TSPEAR: variants seen among roughly 807,000 people sequenced by gnomAD.
The protein encoded by TSPEAR is thrombospondin-type laminin G domain and EAR repeat-containing protein.
A neutral mutation model predicts 71.6 loss-of-function variants in TSPEAR; 69 were observed. That is an observed-to-expected ratio of 0.96 (90% CI 0.79 to 1.18). The LOEUF (loss-of-function observed/expected upper bound fraction) is 1.18. TSPEAR is among the 50% of genes most tolerant of loss of function. The pLI, the probability that TSPEAR is intolerant of heterozygous loss-of-function variation, is 0.00. For missense variants in TSPEAR, 971 were observed against 894.9 expected (o/e 1.09, Z -1.09); for synonymous variants, 402 against 387.2 (o/e 1.04, Z -0.45).
intron 1 of TSPEAR, among the ~76,000 whole-genome samples, chr21:44,587,898 C>A (rs1569203220): frequency 6.6e-6 from 1 of 152,194 alleles, no homozygotes; most frequent in South Asian, 2.1e-4. Flanking sequence ...GGACTTAAAT[C>A]TAAGACCTGA....
At position 44,531,042 on chromosome 21, in the gene TSPEAR, C is replaced by T; in HGVS notation, c.633+1G>A. On this transcript the variant is annotated splice_donor_variant, in intron 4 of 11. Coordinates refer to ENST00000323084, the MANE Select transcript of TSPEAR (RefSeq NM_144991.3). LOFTEE classifies it high-confidence loss of function. ...TGGGAAGGCAGCCCCTCCATACTCG[C>T]CATGAACAGGCCTTTGGCTCTCCTC... 1.9e-6 allele frequency: 3 copies of T among 1,613,240 alleles called. No homozygotes were observed. The highest frequency in any genetic ancestry group is 2.5e-6 in the Non-Finnish European group (3 of 1,179,710).
chr21:44,539,921 G>A, intron 2 of TSPEAR: 1 of 1,613,986 alleles, frequency 6.2e-7, no homozygotes, highest in Admixed American at 1.7e-5. Context: ...GCAGCACGAG[G>A]GCGTGCAGGA....
rs1555949491 is a variant in TSPEAR at position 44,689,712 on chromosome 21, A to ATATATAT, written c.82+21720_82+21721insATATATA. ...TCCCTTAGAGGGACAGAATAGAATG[A>ATATATAT]ATATATATATATATATATATATATA... On this transcript the variant is annotated intron_variant, in intron 1 of 11. Transcript: ENST00000323084. Among the ~76,000 whole-genome samples, 357 of 62,038 alleles carry ATATATAT rather than the reference A, an allele frequency of 5.8e-3. 54 individuals carry two copies. The highest frequency in any genetic ancestry group is 0.015 in the East Asian group (32 of 2,132). The allele number at this position is 62,038 out of a possible 152,430, so 40.7% of individuals were successfully genotyped here.
At chr21:44,523,864 T>C (rs1555914610) in intron 8 of TSPEAR, among the ~76,000 whole-genome samples, 1 of 151,322 alleles carries the variant, frequency 6.6e-6, no homozygotes, top group African/African-American at 2.4e-5. Flanking sequence ...CAGTGGCTAG[T>C]CAGGTAGTTG....
intron 1 of TSPEAR, among the ~76,000 whole-genome samples, chr21:44,644,019 C>T (rs1555939016): frequency 6.6e-6 from 1 of 152,218 alleles, no homozygotes; most frequent in Non-Finnish European, 1.5e-5. Context: ...TGCAGAAGAC[C>T]TGGCCGTGGG....
chr21:44,679,071 T>C (rs587659881), intron 1 of TSPEAR, among the ~76,000 whole-genome samples: 21 of 152,300 alleles, frequency 1.4e-4, no homozygotes, highest in African/African-American at 5.1e-4. Flanking sequence ...ATATACCCTT[T>C]CCTTATGGTA....
At position 44,666,164 on chromosome 21, in the gene TSPEAR, AAAAG is replaced by A. The variant is rs1184230312; in HGVS notation, c.82+45265_82+45268del. The A allele has an allele frequency of 1.8e-5, 8 of 445,226 alleles. No individual in the cohort carries two copies. In the Admixed American group the frequency reaches 2.0e-4, roughly 11 times the overall value. 27.6% of individuals were successfully genotyped at this position (445,226 alleles called of 1,614,324 possible). Reference sequence around the variant, plus strand: ...TAGATAGCAGGGAGTATGGAAATAAAAAAGAAAGACCAGAAATGCAGAGCTGCAT... The same window carrying A: ...TAGATAGCAGGGAGTATGGAAATAAAAAAGACCAGAAATGCAGAGCTGCAT... On this transcript the variant is annotated intron_variant, in intron 1 of 11. Transcript: ENST00000323084.
Position 44,499,784 on chromosome 21 carries a change from C to T in TSPEAR, c.2009G>A (p.Ter670=). The T allele has an allele frequency of 6.4e-7, 1 of 1,563,874 alleles. No individual in the cohort carries two copies. Among genetic ancestry groups the T allele is most frequent in the Non-Finnish European group, 8.7e-7 (1 of 1,155,790 alleles). ...LSRVLRLRTR[*] is the part of the protein sequence containing the mutation. Reference sequence around the variant, plus strand: ...AGTTGCTGCCGGGCAGCCGCGGCCTCAGCGTGTCCTCAGCCGCAGGACCCT... The same window carrying T: ...AGTTGCTGCCGGGCAGCCGCGGCCTTAGCGTGTCCTCAGCCGCAGGACCCT... The change falls in exon 12 of 12, where the codon TGA becomes TAA. Residue 670 remains the stop codon, a stop_retained_variant. Coordinates refer to ENST00000323084, the MANE Select transcript of TSPEAR (RefSeq NM_144991.3).
intron 1 of TSPEAR, chr21:44,690,417 A>G (rs1987078004): frequency 3.0e-6 from 1 of 329,406 alleles, no homozygotes; most frequent in Non-Finnish European, 4.3e-6. Flanking sequence ...AACATCAAAG[A>G]TAACAAGTGG....
chr21:44,638,251 G>A (rs979550703), intron 1 of TSPEAR: 8 of 1,531,272 alleles, frequency 5.2e-6, no homozygotes, highest in Non-Finnish European at 7.0e-6. Context: ...TGCCCTCTCT[G>A]GCTTTGACAC....
chr21:44,706,677 G>A (rs17285795), intron 1 of TSPEAR, among the ~76,000 whole-genome samples: 9,347 of 152,302 alleles, frequency 0.061, 318 homozygotes, highest in Middle Eastern at 0.14. Flanking sequence ...CTCAGGGGTC[G>A]CCCCGCCACC....
At chr21:44,510,333 C>G (rs782314369) in intron 9 of TSPEAR, among the ~76,000 whole-genome samples, 21 of 152,242 alleles carry the variant, frequency 1.4e-4, no homozygotes, top group Non-Finnish European at 2.5e-4. Flanking sequence ...CTCTTCCTGA[C>G]TCACCCCCGT....
At chr21:44,517,839 A>G (rs782081977) in intron 9 of TSPEAR, 1 of 471,242 alleles carries the variant, frequency 2.1e-6, no homozygotes, top group South Asian at 1.5e-5. Context: ...TTTGAAGGTA[A>G]CTTTCCTTTG....
At position 44,541,360 on chromosome 21, in the gene TSPEAR, A is replaced by G. The variant is rs1269278297; in HGVS notation, c.304-7437T>C. On this transcript the variant is annotated intron_variant, in intron 2 of 11. Transcript: ENST00000323084. ...TTATGCTGTATAAAATGCTCTGTCA[A>G]GTTCTCCTTTCGTGTGTGGGGAACT... 6.6e-5 allele frequency among the ~76,000 whole-genome samples: 10 copies of G among 152,344 alleles called. No homozygotes were observed. In the East Asian group the frequency reaches 7.7e-4, roughly 12 times the overall value.
intron 11 of TSPEAR, among the ~76,000 whole-genome samples, chr21:44,500,639 C>T (rs1311454111): frequency 2.6e-5 from 4 of 152,226 alleles, no homozygotes; most frequent in African/African-American, 7.2e-5. Context: ...CCCTGGGATC[C>T]CCCAACCCAC....
Position 44,546,428 on chromosome 21 carries a change from A to G in TSPEAR, c.304-12505T>C, listed in dbSNP as rs932890400. Reference sequence around the variant, plus strand: ...CTGCTCACTGCAAGCTCCGCCTCCCAGGTTCCCACCATTCTCCTGCCTCAG... The same window carrying G: ...CTGCTCACTGCAAGCTCCGCCTCCCGGGTTCCCACCATTCTCCTGCCTCAG... On this transcript the variant is annotated intron_variant, in intron 2 of 11. Coordinates refer to ENST00000323084, the MANE Select transcript of TSPEAR (RefSeq NM_144991.3). This position sits in a 1 kb window ranked among gnomAD's most constrained non-coding sequence, Gnocchi z 4.4. Among the ~76,000 whole-genome samples, 2 of 152,164 alleles carry G rather than the reference A, an allele frequency of 1.3e-5. No individual in the cohort carries two copies. The highest frequency in any genetic ancestry group is 1.3e-4 in the Admixed American group (2 of 15,278).
intron 1 of TSPEAR, among the ~76,000 whole-genome samples, chr21:44,619,847 A>G (rs1982333667): frequency 6.6e-6 from 1 of 152,226 alleles, no homozygotes; most frequent in South Asian, 2.1e-4. Context: ...CAGATGAGAG[A>G]ATGAAGAAAA....
intron 11 of TSPEAR, among the ~76,000 whole-genome samples, chr21:44,502,323 A>T (rs994800509): frequency 6.6e-6 from 1 of 152,196 alleles, no homozygotes; most frequent in Non-Finnish European, 1.5e-5. Flanking sequence ...AAGCTACATA[A>T]TCAATTAGAA....
chr21:44,551,560 C>T, intron 2 of TSPEAR: 1 of 1,473,214 alleles, frequency 6.8e-7, no homozygotes, highest in Non-Finnish European at 9.2e-7. Flanking sequence ...GCTGCTGGGG[C>T]TTTTATATGC....
Sources: allele counts gnomAD v4.1 joint callset (sites outside exome capture counted in the v4.1 genomes callset), GRCh38; gene constraint gnomAD v4.1.1; non-coding constraint Gnocchi (gnomAD v3.1); transcripts MANE v1.5; gene names NCBI Gene and HGNC (gene_info 2026-07-23, HGNC 2026-07-21).